Variants in ZNF420 observed in about 807,000 individuals in gnomAD.
The protein encoded by ZNF420 is ATM and p53-associated KZNF protein.
In ZNF420, 31 loss-of-function variants were observed where a neutral mutation model predicts 44.7. That is an observed-to-expected ratio of 0.69 (90% CI 0.52 to 0.94). The LOEUF (loss-of-function observed/expected upper bound fraction) is 0.94, where lower values mean the gene tolerates loss of function less well. Among genes scored for constraint, ZNF420 ranks in the 40% least tolerant of loss-of-function variants. The pLI, the probability that ZNF420 is intolerant of heterozygous loss-of-function variation, is 0.00. For missense variants in ZNF420, 681 were observed against 827.9 expected (o/e 0.82, Z 2.18); for synonymous variants, 245 against 267.4 (o/e 0.92, Z 0.82).
At chr19:37,099,077 A>G (rs1481074217) in intron 4 of ZNF420, among the ~76,000 whole-genome samples, 2 of 152,246 alleles carry the variant, frequency 1.3e-5, no homozygotes, top group East Asian at 3.9e-4. Flanking sequence ...AAATCCATTT[A>G]TCTTTTGATG....
intron 1 of ZNF420, among the ~76,000 whole-genome samples, chr19:37,046,444 G>C (rs572877808): frequency 6.6e-6 from 1 of 152,278 alleles, no homozygotes; most frequent in South Asian, 2.1e-4. Context: ...ATTAATACTA[G>C]AATGGGTACA....
chr19:37,105,294 A>G (rs1970010179), intron 4 of ZNF420, among the ~76,000 whole-genome samples: 1 of 152,188 alleles, frequency 6.6e-6, no homozygotes, highest in South Asian at 2.1e-4. Context: ...GGTTTGTCAA[A>G]GATCAGATGG....
intron 1 of ZNF420, among the ~76,000 whole-genome samples, chr19:37,059,678 G>C (rs1461445640): frequency 6.6e-6 from 1 of 152,204 alleles, no homozygotes. Context: ...AGGTCTGCCT[G>C]TGTGCTCGTG....
At chr19:37,068,497 A>G (rs2043016618) in intron 1 of ZNF420, among the ~76,000 whole-genome samples, 1 of 151,944 alleles carries the variant, frequency 6.6e-6, no homozygotes, top group Non-Finnish European at 1.5e-5. Flanking sequence ...AAAATTAGCT[A>G]GGCGTGATGG....
chr19:37,052,990 C>G (rs1345719863), intron 1 of ZNF420, among the ~76,000 whole-genome samples: 3 of 152,220 alleles, frequency 2.0e-5, no homozygotes, highest in African/African-American at 7.2e-5. Context: ...CTGTCACTTT[C>G]AGGTACACCA....
chr19:37,082,171 T>C (rs1306709612), intron 2 of ZNF420, among the ~76,000 whole-genome samples: 1 of 151,908 alleles, frequency 6.6e-6, no homozygotes, highest in East Asian at 1.9e-4. Flanking sequence ...TTGTTGTTGT[T>C]ACTGTTGTTG....
intron 1 of ZNF420, among the ~76,000 whole-genome samples, chr19:37,012,247 C>T (rs896496212): frequency 6.6e-6 from 1 of 152,212 alleles, no homozygotes; most frequent in African/African-American, 2.4e-5. Context: ...TCCAGGTGCC[C>T]TCCTACCGCC....
chr19:37,123,111 T>A (rs1291739163), intron 4 of ZNF420, among the ~76,000 whole-genome samples: 1 of 152,142 alleles, frequency 6.6e-6, no homozygotes, highest in Non-Finnish European at 1.5e-5. Flanking sequence ...CAACAAATCC[T>A]CTGTAGTATA....
chr19:37,046,739 G>T (rs1967548901), intron 1 of ZNF420, among the ~76,000 whole-genome samples: 1 of 152,190 alleles, frequency 6.6e-6, no homozygotes, highest in South Asian at 2.1e-4. Context: ...ACAGGCCAAG[G>T]CACAGGCAAG....
At chr19:37,070,914 C>T (rs1968047187) in intron 1 of ZNF420, among the ~76,000 whole-genome samples, 1 of 152,178 alleles carries the variant, frequency 6.6e-6, no homozygotes, top group Non-Finnish European at 1.5e-5. Context: ...GGCCCACAGG[C>T]TAGATCCTGC....
chr19:37,073,918 C>G (rs991918454), upstream of ZNF420, among the ~76,000 whole-genome samples: 1 of 151,898 alleles, frequency 6.6e-6, no homozygotes, highest in Non-Finnish European at 1.5e-5. Context: ...AGGATGATAA[C>G]AGGCTAAAGT....
At chr19:37,060,860 G>C (rs1967864747) in intron 1 of ZNF420, among the ~76,000 whole-genome samples, 1 of 152,052 alleles carries the variant, frequency 6.6e-6, no homozygotes, top group South Asian at 2.1e-4. Context: ...GAATCTTTTG[G>C]CTGTAATGAA....
At chr19:37,029,255 G>A (rs760726599) in intron 1 of ZNF420, among the ~76,000 whole-genome samples, 7 of 152,184 alleles carry the variant, frequency 4.6e-5, no homozygotes, top group Non-Finnish European at 7.3e-5. Context: ...GCGATCAGAA[G>A]TCCTGTGTCT....
chr19:37,067,517 G>T (rs2146449736), intron 1 of ZNF420, among the ~76,000 whole-genome samples: 1 of 152,306 alleles, frequency 6.6e-6, no homozygotes, highest in Non-Finnish European at 1.5e-5. Context: ...GATAGCGAAT[G>T]TATGGGTATT....
intron 1 of ZNF420, among the ~76,000 whole-genome samples, chr19:37,070,930 C>T (rs903406762): frequency 3.3e-5 from 5 of 152,178 alleles, no homozygotes; most frequent in African/African-American, 1.2e-4. Flanking sequence ...CCTGCCTTGG[C>T]ATAAAGTTTC....
intron 1 of ZNF420, among the ~76,000 whole-genome samples, chr19:37,050,876 T>C (rs1054788064): frequency 2.6e-5 from 4 of 152,214 alleles, no homozygotes; most frequent in African/African-American, 9.6e-5. Context: ...ATAGCTCTTA[T>C]TATTTTGAGA....
intron 1 of ZNF420, among the ~76,000 whole-genome samples, chr19:37,018,796 C>T (rs1435883568): frequency 6.6e-6 from 1 of 152,164 alleles, no homozygotes; most frequent in African/African-American, 2.4e-5. Context: ...TCTCGAACTC[C>T]TGGCCTCAAG....
chr19:37,012,758 A>ATGTGTG (rs1162223396), intron 1 of ZNF420, among the ~76,000 whole-genome samples: 4 of 100,102 alleles, frequency 4.0e-5, no homozygotes, highest in Admixed American at 1.1e-4. Flanking sequence ...TGCCACTGCT[A>ATGTGTG]TATGTCTCTG....
chr19:37,018,947 A>G (rs748094167), intron 1 of ZNF420, among the ~76,000 whole-genome samples: 5 of 152,206 alleles, frequency 3.3e-5, no homozygotes, highest in Non-Finnish European at 7.3e-5. Context: ...AAATGCTTTC[A>G]TAGCACTGCA....
Sources: allele counts gnomAD v4.1 joint callset (sites outside exome capture counted in the v4.1 genomes callset), GRCh38; gene constraint gnomAD v4.1.1; transcripts MANE v1.5; gene names NCBI Gene and HGNC (gene_info 2026-07-23, HGNC 2026-07-21).